VPS13B: variants seen among roughly 807,000 people sequenced by gnomAD.
The protein encoded by VPS13B is intermembrane lipid transfer protein VPS13B.
In VPS13B, 285 loss-of-function variants were observed where a neutral mutation model predicts 426.4. The observed-to-expected ratio is 0.67, with a 90% confidence interval of 0.61 to 0.74. The LOEUF (loss-of-function observed/expected upper bound fraction) is 0.74, where lower values mean the gene tolerates loss of function less well. Ranked by LOEUF, VPS13B falls within the 30% of genes least tolerant of loss-of-function variation. The pLI is 0.00. For missense variants in VPS13B, 4,537 were observed against 4,782.6 expected, an observed-to-expected ratio of 0.95 and a Z score of 1.51; for synonymous variants, 1,676 against 1,676.4, an observed-to-expected ratio of 1.00 and a Z score of 0.01.
intron 3 of VPS13B, among the ~76,000 whole-genome samples, chr8:99,079,065 C>T (rs148631469): frequency 6.6e-6 from 1 of 152,138 alleles, no homozygotes; most frequent in East Asian, 1.9e-4. Context: ...ATATCAGGTG[C>T]CAGATGTGGT....
At chr8:99,381,075 GCC>G (rs1032933460) in intron 19 of VPS13B, among the ~76,000 whole-genome samples, 7 of 151,622 alleles carry the variant, frequency 4.6e-5, no homozygotes, top group Admixed American at 2.6e-4. Context: ...CCTCTGATAG[GCC>G]CCAATGTCTG....
At chr8:99,421,360 G>T (rs969262818) in intron 21 of VPS13B, among the ~76,000 whole-genome samples, 1 of 152,158 alleles carries the variant, frequency 6.6e-6, no homozygotes, top group Non-Finnish European at 1.5e-5. Context: ...GCTCTAGTGG[G>T]AATGAGTAAA....
In VPS13B at chr8:99,114,618, C is replaced by A. The variant is rs1308404531; in HGVS notation, c.763-1082C>A. 6.6e-5 allele frequency among the ~76,000 whole-genome samples: 10 copies of A among 152,196 alleles called. No individual in the cohort carries two copies. In the East Asian group the frequency reaches 1.7e-3, roughly 26 times the overall value. On this transcript the variant is annotated intron_variant, in intron 6 of 61. Coordinates refer to ENST00000357162, the MANE Select transcript of VPS13B (RefSeq NM_152564.5). ...TTCCTGCTCACCTCCCACACTCATT[C>A]CCCGCTTTCTTACCTCTTCATTGTT...
intron 17 of VPS13B, among the ~76,000 whole-genome samples, chr8:99,263,633 T>C (rs1818163256): frequency 6.6e-6 from 1 of 152,190 alleles, no homozygotes; most frequent in South Asian, 2.1e-4. Context: ...TGTGCATCTG[T>C]CATCACATCT....
rs1216508447 is a variant in VPS13B at position 99,486,136 on chromosome 8, G to A, written c.3870+4334G>A. 2.0e-5 allele frequency among the ~76,000 whole-genome samples: 3 copies of A among 152,086 alleles called. 1 individual carries two copies. The highest frequency in any genetic ancestry group is 1.5e-5 in the Non-Finnish European group (1 of 68,020). ...TGCTAGAGATTTCAGGGAACCTTGG[G>A]CAGTTTTTAGGTTTCTTTATCAACA... On this transcript the variant is annotated intron_variant, in intron 25 of 61. Coordinates refer to ENST00000357162, the MANE Select transcript of VPS13B (RefSeq NM_152564.5).
chr8:99,103,909 T>C (rs1292412206), intron 5 of VPS13B, among the ~76,000 whole-genome samples: 1 of 152,202 alleles, frequency 6.6e-6, no homozygotes, highest in Non-Finnish European at 1.5e-5. Flanking sequence ...GTGCTGAGAT[T>C]ACAGGAATGA....
chr8:99,666,714 C>G (rs1327519925), intron 35 of VPS13B, among the ~76,000 whole-genome samples: 1 of 152,126 alleles, frequency 6.6e-6, no homozygotes, highest in Non-Finnish European at 1.5e-5. Context: ...ACTGAATGGG[C>G]AAAAACTGGA....
intron 3 of VPS13B, among the ~76,000 whole-genome samples, chr8:99,081,467 C>T (rs898983994): frequency 6.6e-6 from 1 of 152,008 alleles, no homozygotes; most frequent in African/African-American, 2.4e-5. Context: ...GGTACACGTG[C>T]ACAACGTGCA....
intron 42 of VPS13B, among the ~76,000 whole-genome samples, chr8:99,782,942 G>T (rs1812088734): frequency 6.6e-6 from 1 of 152,104 alleles, no homozygotes; most frequent in African/African-American, 2.4e-5. Context: ...GCAAGGTTCG[G>T]TTCAATGGGA....
intron 17 of VPS13B, among the ~76,000 whole-genome samples, chr8:99,236,610 C>CT (rs1326955628): frequency 6.6e-6 from 1 of 152,182 alleles, no homozygotes; most frequent in Non-Finnish European, 1.5e-5. Context: ...AAGTTTGAAA[C>CT]TGTAATGTTT....
At chr8:99,792,759 A>T (rs1315486242) in intron 43 of VPS13B, among the ~76,000 whole-genome samples, 1 of 152,214 alleles carries the variant, frequency 6.6e-6, no homozygotes, top group African/African-American at 2.4e-5. Flanking sequence ...ATCAGAATGC[A>T]GCCAACTGCA....
chr8:99,565,880 A>G (rs2133786780), intron 31 of VPS13B, among the ~76,000 whole-genome samples: 1 of 152,306 alleles, frequency 6.6e-6, no homozygotes, highest in Non-Finnish European at 1.5e-5. Flanking sequence ...CTACTTTGGG[A>G]GGCCAAATCT....
chr8:99,245,115 T>G (rs548548065), intron 17 of VPS13B, among the ~76,000 whole-genome samples: 1 of 152,348 alleles, frequency 6.6e-6, no homozygotes, highest in African/African-American at 2.4e-5. Flanking sequence ...ATGATCTATA[T>G]AACATAGTGT....
chr8:99,094,745 AGTGATGAT>A (rs1442795104), intron 3 of VPS13B, among the ~76,000 whole-genome samples: 1 of 152,204 alleles, frequency 6.6e-6, no homozygotes, highest in African/African-American at 2.4e-5. Flanking sequence ...TTGGTAAACT[AGTGATGAT>A]TATTCTTTTA....
chr8:99,533,479 A>T (rs1345272179), intron 30 of VPS13B, among the ~76,000 whole-genome samples: 1 of 152,168 alleles, frequency 6.6e-6, no homozygotes, highest in African/African-American at 2.4e-5. Flanking sequence ...CTGACTTTTC[A>T]TAGGGTTAAT....
intron 40 of VPS13B, among the ~76,000 whole-genome samples, chr8:99,769,424 G>A (rs1219840771): frequency 6.6e-6 from 1 of 152,132 alleles, no homozygotes; most frequent in East Asian, 1.9e-4. Flanking sequence ...AGTATATTCT[G>A]TCACAAGAGA....
chr8:99,206,851 C>G (rs1208278854), intron 17 of VPS13B, among the ~76,000 whole-genome samples: 1 of 151,768 alleles, frequency 6.6e-6, no homozygotes, highest in Non-Finnish European at 1.5e-5. Context: ...CCCCCAACAC[C>G]ATCATGTCTG....
Position 99,360,230 on chromosome 8 carries a change from CTT to C in VPS13B, c.2825-23976_2825-23975del, listed in dbSNP as rs1279914893. On this transcript the variant is annotated intron_variant, in intron 19 of 61. Coordinates refer to ENST00000357162, the MANE Select transcript of VPS13B (RefSeq NM_152564.5). ...TCTCTCTTTCTTTCTTTCTTTCTTTCTTTCTCTCTCTCCTTCCTTCCTTCCTT... is the reference window on the plus strand; with the variant it reads ...TCTCTCTTTCTTTCTTTCTTTCTTTCTCTCTCTCTCCTTCCTTCCTTCCTT... Among the ~76,000 whole-genome samples the C allele has an allele frequency of 2.8e-3, 252 of 90,156 alleles. 20 individuals are homozygous for C. Among genetic ancestry groups the C allele is most frequent in the African/African-American group, 9.9e-3 (217 of 21,908 alleles). 59.1% of individuals were successfully genotyped at this position (90,156 alleles called of 152,430 possible).
At chr8:99,340,602 T>C in intron 19 of VPS13B, 1 of 445,988 alleles carries the variant, frequency 2.2e-6, no homozygotes, top group South Asian at 1.8e-5. Context: ...ACCTCATTTA[T>C]TTAATTAGTT....
Sources: allele counts gnomAD v4.1 joint callset (sites outside exome capture counted in the v4.1 genomes callset), GRCh38; gene constraint gnomAD v4.1.1; transcripts MANE v1.5; gene names NCBI Gene and HGNC (gene_info 2026-07-23, HGNC 2026-07-21).